Variants in CTCFL observed in about 807,000 individuals in gnomAD.
The protein encoded by CTCFL is CCCTC-binding factor like.
A neutral mutation model predicts 67.4 loss-of-function variants in CTCFL; 36 were observed. The ratio of observed to expected loss-of-function variants is 0.53; its 90% confidence interval spans 0.41 to 0.71. The LOEUF (loss-of-function observed/expected upper bound fraction) is 0.71, where lower values mean the gene tolerates loss of function less well. Among genes scored for constraint, CTCFL ranks in the 30% least tolerant of loss-of-function variants. The pLI is 0.00. For synonymous variants in CTCFL, 324 were observed against 302.3 expected (o/e 1.07, Z -0.75); for missense variants, 786 against 835.2 (o/e 0.94, Z 0.73).
intron 8 of CTCFL, among the ~76,000 whole-genome samples, chr20:57,511,993 G>A (rs1011217871): frequency 9.9e-5 from 15 of 152,192 alleles, no homozygotes; most frequent in Admixed American, 7.9e-4. Flanking sequence ...GACATTCACT[G>A]AGAAAGTGGC....
At chr20:57,521,764 T>C (rs2069382875) in intron 3 of CTCFL, among the ~76,000 whole-genome samples, 1 of 152,208 alleles carries the variant, frequency 6.6e-6, no homozygotes, top group South Asian at 2.1e-4. Context: ...CGCTGACACA[T>C]ACTACAATAC....
chr20:57,521,091 C>T (rs2069321514), intron 3 of CTCFL, among the ~76,000 whole-genome samples: 1 of 152,232 alleles, frequency 6.6e-6, no homozygotes. Flanking sequence ...CCCCGACAGC[C>T]TTGCAAGAGA....
rs1448522314 is a variant in CTCFL at position 57,523,050 on chromosome 20, T to C, written c.754+18A>G. ...GCCCAGTTTTAGGGAGTGTATTCTA[T>C]GAGATGAACTGGCCTACCCTTTGTC... On this transcript the variant is annotated intron_variant, in intron 3 of 10. Coordinates refer to ENST00000243914, the MANE Select transcript of CTCFL (RefSeq NM_001386993.1). 1 of 1,602,506 alleles carries C rather than the reference T, an allele frequency of 6.2e-7. No homozygotes were observed. The highest frequency in any genetic ancestry group is 1.1e-5 in the South Asian group (1 of 89,942).
At chr20:57,501,021 G>C (rs2067884816) in intron 10 of CTCFL, among the ~76,000 whole-genome samples, 1 of 152,160 alleles carries the variant, frequency 6.6e-6, no homozygotes, top group African/African-American at 2.4e-5. Flanking sequence ...CCCGGCCTTG[G>C]GTTTCTACAA....
chr20:57,519,517 G>A (rs189284462), intron 3 of CTCFL, 140 bp from the exon 4 acceptor site: 26 of 736,096 alleles, frequency 3.5e-5, no homozygotes, highest in Middle Eastern at 3.9e-4. Flanking sequence ...CAAGCTGATC[G>A]AAGCAATTCA....
At chr20:57,500,085 A>ATTTT (rs3068009) in intron 10 of CTCFL, 15,216 of 898,024 alleles carry the variant, frequency 0.017, 2 homozygotes, top group South Asian at 0.027. Context: ...TCCTTGAAGT[A>ATTTT]TTTTTTTTTT....
chr20:57,513,123 TG>T, intron 7 of CTCFL: 1 of 352,964 alleles, frequency 2.8e-6, no homozygotes, highest in Non-Finnish European at 4.0e-6. Flanking sequence ...TATGTCACAC[TG>T]GACCTAAAAT....
chr20:57,507,734 A>T (rs1231828958), intron 9 of CTCFL: 1 of 702,962 alleles, frequency 1.4e-6, no homozygotes, highest in East Asian at 2.7e-5. Context: ...CAGCCTCAGG[A>T]GTGGCCCTGA....
At chr20:57,513,327 T>C (rs2068686201) in intron 7 of CTCFL, 1 of 986,134 alleles carries the variant, frequency 1.0e-6, no homozygotes, top group African/African-American at 1.7e-5. Flanking sequence ...TGGCTGGGTT[T>C]GCTCATCTAA....
intron 6 of CTCFL, chr20:57,515,027 A>C: frequency 5.0e-6 from 2 of 401,958 alleles, no homozygotes. Flanking sequence ...CAAGAAGTAC[A>C]CATAAATGTA....
rs2067750605 is a variant in CTCFL, at chr20:57,497,982, A to G, written c.*568T>C. ...TAAGAGTAAAACATTTTTTGGTTGA[A>G]TTTAGAACTAATTAAAAGCATTATG... On this transcript the variant is annotated 3_prime_UTR_variant, in exon 11 of 11. Transcript: ENST00000243914. The G allele has an allele frequency of 1.1e-6, 1 of 924,004 alleles. No individual in the cohort carries two copies. Among genetic ancestry groups the G allele is most frequent in the Non-Finnish European group, 1.3e-6 (1 of 774,168 alleles). The allele number at this position is 924,004 out of a possible 1,614,324, so 57.2% of individuals were successfully genotyped here.
intron 8 of CTCFL, among the ~76,000 whole-genome samples, chr20:57,510,573 A>C (rs1390021306): frequency 1.3e-5 from 2 of 152,230 alleles, no homozygotes; most frequent in Non-Finnish European, 2.9e-5. Flanking sequence ...CTCTATTAAA[A>C]GCATTCGGGG....
At chr20:57,523,627 T>G in intron 2 of CTCFL, 36 bp downstream of exon 2, 1 of 1,570,792 alleles carries the variant, frequency 6.4e-7, no homozygotes, top group South Asian at 1.2e-5. Flanking sequence ...TTTTTTCTTT[T>G]TCATGTAAGG....
chr20:57,499,081 G>C (rs1425704746), intron 10 of CTCFL, among the ~76,000 whole-genome samples: 2 of 108,208 alleles, frequency 1.8e-5, no homozygotes, highest in African/African-American at 4.4e-5. Flanking sequence ...GACGGGGGGG[G>C]GGTGGGGGGG....
chr20:57,523,924 C>T lies in CTCFL; in HGVS notation c.282G>A (p.Leu94=), dbSNP rs1272970131. The T allele has an allele frequency of 5.0e-6, 8 of 1,613,176 alleles. No homozygotes were observed. Among genetic ancestry groups the T allele is most frequent in the Non-Finnish European group, 6.8e-6 (8 of 1,180,022 alleles). The change falls in exon 2 of 11, where the codon TTG becomes TTA. Residue 94 remains leucine, a synonymous_variant. Coordinates refer to ENST00000243914, the MANE Select transcript of CTCFL (RefSeq NM_001386993.1). ...TVHFTSEAVE[L]QDMSLLSIQQ... ...GTATGCTCAGCAAGCTCATATCCTG[C>T]AACTCCACAGCTTCAGAAGTGAAGT...
chr20:57,499,812 G>T, intron 10 of CTCFL: 1 of 222,336 alleles, frequency 4.5e-6, no homozygotes, highest in African/African-American at 2.3e-5. Context: ...TAACGCTGCC[G>T]CTGATCTGAC....
In CTCFL at chr20:57,503,582, G is replaced by A. The variant is rs767928135; in HGVS notation, c.1694C>T (p.Ser565Leu). Reference protein sequence around the residue: ...FSRWINLHRHSEKCGSGEAKS... With the variant: ...FSRWINLHRHLEKCGSGEAKS... ...TGCTTCCCCTGATCCACACTTCTCC[G>A]AATGTCTGTGCAGGTTAATCTGTCG... The change falls in exon 10 of 11, where the codon TCG (serine) becomes TTG (leucine). Residue 565 changes from serine (S) to leucine (L), a missense_variant. Ser to Leu is a moderately radical substitution (Grantham distance 145, BLOSUM62 -2). Around this residue, in one of 3 missense-constraint regions of CTCFL, gnomAD observed 199 missense variants for 196.7 expected, o/e 1.01. Transcript: ENST00000243914. The A allele has an allele frequency of 2.5e-5, 41 of 1,613,860 alleles. No homozygotes were observed. Among genetic ancestry groups the A allele is most frequent in the Non-Finnish European group, 3.0e-5 (35 of 1,180,024 alleles).
Position 57,498,655 on chromosome 20 carries a change from TG to T in CTCFL, c.1886del (p.Pro629GlnfsTer24). On this transcript the variant is annotated frameshift_variant, in exon 11 of 11. Coordinates refer to ENST00000243914, the MANE Select transcript of CTCFL (RefSeq NM_001386993.1). LOFTEE classifies it low-confidence loss of function (END_TRUNC). Reference protein sequence around the residue: ...EASTTKGEQFPGEMFPVACRE... With the variant: ...EASTTKGEQFXGEMFPVACRE... ...TGCAGGCGACAGGAAACATCTCTCC[TG>T]GGAACTGTTCTCCCTTCGTGGTGGA... is the stretch of plus-strand genomic sequence containing the variant. 6.2e-7 allele frequency: 1 copy of T among 1,614,144 alleles called. No homozygotes were observed. The highest frequency in any genetic ancestry group is 8.5e-7 in the Non-Finnish European group (1 of 1,179,988).
At chr20:57,511,596 C>G in intron 8 of CTCFL, among the ~76,000 whole-genome samples, 1 of 135,150 alleles carries the variant, frequency 7.4e-6, no homozygotes, top group Admixed American at 7.3e-5. Flanking sequence ...AATCCCCCCC[C>G]TTTTTTTTTT....
Sources: gnomAD v4.1 joint callset for allele counts (sites outside exome capture counted in the v4.1 genomes callset) on GRCh38, gnomAD v4.1.1 for gene constraint, gnomAD v4.1.1 regional missense constraint, MANE v1.5 for transcripts, NCBI Gene and HGNC (gene_info 2026-07-23, HGNC 2026-07-21) for gene names.